Variants in EFCAB8 observed in about 807,000 individuals in gnomAD.
The protein encoded by EFCAB8 is EF-hand calcium-binding domain-containing protein 8.
A neutral mutation model predicts 116.3 loss-of-function variants in EFCAB8; 100 were observed. The observed-to-expected ratio is 0.86, with a 90% CI of 0.73 to 1.02. EFCAB8 has a LOEUF of 1.02. EFCAB8 is among the 50% of genes least tolerant of loss of function. EFCAB8 has a pLI of 0.00. For missense variants in EFCAB8, 1,320 were observed against 1,416.9 expected (o/e 0.93, Z 1.10); for synonymous variants, 558 against 567.9 (o/e 0.98, Z 0.25).
Position 32,959,827 on chromosome 20 carries a change from G to T in EFCAB8, c.3139G>T (p.Ala1047Ser), listed in dbSNP as rs990105936. 4.5e-6 allele frequency: 7 copies of T among 1,540,480 alleles called. No individual in the cohort carries two copies. Among genetic ancestry groups the T allele is most frequent in the Non-Finnish European group, 6.1e-6 (7 of 1,140,312 alleles). ...EALIYQRREQ[A>S]ALMALLHGKA... ...CCTGATATACCAGCGGCGAGAGCAGGCGGCGCTGATGGCTCTCCTGCATGG... is the reference window on the plus strand; with the variant it reads ...CCTGATATACCAGCGGCGAGAGCAGTCGGCGCTGATGGCTCTCCTGCATGG... Residue 1047 changes from alanine to serine, a missense_variant, in exon 25 of 27, where the codon GCG becomes TCG. Coordinates refer to ENST00000400522, the MANE Select transcript of EFCAB8 (RefSeq NM_001143967.2).
chr20:32,946,792 A>G (rs529463246), intron 23 of EFCAB8, among the ~76,000 whole-genome samples: 1 of 152,340 alleles, frequency 6.6e-6, no homozygotes, highest in South Asian at 2.1e-4. Context: ...TCCTCATAGT[A>G]AACTCTATTT....
rs751075328 is a variant in EFCAB8 at position 32,906,974 on chromosome 20, A to G, written c.1288A>G (p.Ile430Val). ...LVDSRNNSIL[I>V]SVSKDKNIRV... Reference sequence around the variant, plus strand: ...GGATAGCAGGAACAACAGCATCCTCATCAGTGTCTCCAAGGACAAGGTCCG... The same window carrying G: ...GGATAGCAGGAACAACAGCATCCTCGTCAGTGTCTCCAAGGACAAGGTCCG... Residue 430 changes from isoleucine (I) to valine (V), a missense_variant, in exon 13 of 27, where the codon ATC becomes GTC. Ile to Val is a conservative substitution (Grantham distance 29). Transcript: ENST00000400522. 1 of 1,528,498 alleles carries G rather than the reference A, an allele frequency of 6.5e-7. No homozygotes were observed. Among genetic ancestry groups the G allele is most frequent in the Non-Finnish European group, 8.8e-7 (1 of 1,134,452 alleles). 94.7% of individuals were successfully genotyped at this position (1,528,498 alleles called of 1,614,324 possible).
At chr20:32,905,004 C>T (rs1231509428) in intron 11 of EFCAB8, among the ~76,000 whole-genome samples, 1 of 152,148 alleles carries the variant, frequency 6.6e-6, no homozygotes. Context: ...GGCATAGGCA[C>T]AGAGCATCTG....
At chr20:32,875,898 G>T (rs912307645) in intron 3 of EFCAB8, 28 bp from the exon 4 acceptor site, 10 of 1,544,280 alleles carry the variant, frequency 6.5e-6, no homozygotes, top group Non-Finnish European at 8.8e-6. Flanking sequence ...TGAGGAAGGG[G>T]ATGATGCTCT....
chr20:32,876,688 C>T (rs76558616), intron 4 of EFCAB8, among the ~76,000 whole-genome samples: 3,895 of 152,206 alleles, frequency 0.026, 73 homozygotes, highest in South Asian at 0.042. Context: ...CTATTTCGGC[C>T]GGGCACAGTG....
At chr20:32,909,069 A>G (rs938154082) in intron 14 of EFCAB8, among the ~76,000 whole-genome samples, 2 of 152,214 alleles carry the variant, frequency 1.3e-5, no homozygotes, top group African/African-American at 4.8e-5. Context: ...TGGGAGCAGA[A>G]GCCCAGAAAA....
At chr20:32,903,658 A>G (rs922096989) in intron 11 of EFCAB8, 2 of 152,280 alleles carry the variant, frequency 1.3e-5, no homozygotes, top group African/African-American at 4.8e-5. Context: ...AATAAATGAA[A>G]TATGTGTACT....
intron 22 of EFCAB8, among the ~76,000 whole-genome samples, chr20:32,936,981 G>A (rs1327345817): frequency 2.6e-5 from 4 of 152,020 alleles, no homozygotes; most frequent in Non-Finnish European, 4.4e-5. Context: ...CTTAAACAAT[G>A]TTTTAGTTTC....
chr20:32,924,373 G>A (rs1209628447), intron 20 of EFCAB8, among the ~76,000 whole-genome samples: 2 of 152,054 alleles, frequency 1.3e-5, no homozygotes, highest in Admixed American at 6.6e-5. Flanking sequence ...TACATGTGTT[G>A]TTTTTATTTT....
At chr20:32,944,223 C>T (rs1433866618) in intron 23 of EFCAB8, among the ~76,000 whole-genome samples, 2 of 151,984 alleles carry the variant, frequency 1.3e-5, no homozygotes, top group African/African-American at 2.4e-5. Flanking sequence ...TACTGTAATC[C>T]CAACACTTTT....
At chr20:32,931,056 TGTAA>T (rs1830864434) in intron 21 of EFCAB8, 118 bp from the exon 22 acceptor site, 2 of 793,058 alleles carry the variant, frequency 2.5e-6, no homozygotes, top group Non-Finnish European at 4.0e-6. Context: ...ATCTCAGAGA[TGTAA>T]GTAAGAACTG....
intron 3 of EFCAB8, among the ~76,000 whole-genome samples, chr20:32,872,456 C>T (rs1984728421): frequency 6.6e-6 from 1 of 152,088 alleles, no homozygotes; most frequent in South Asian, 2.1e-4. Flanking sequence ...CATCCCAGAG[C>T]TCTCAGGCTG....
rs542503012 is a variant in EFCAB8, at chr20:32,908,339, C to G, written c.1373C>G (p.Ala458Gly). 24 of 1,249,942 alleles carry G rather than the reference C, an allele frequency of 1.9e-5. No individual in the cohort carries two copies. In the African/African-American group the frequency reaches 3.6e-4, roughly 19 times the overall value. 77.4% of individuals were successfully genotyped at this position (1,249,942 alleles called of 1,614,324 possible). ...CLQSFCGKFF[A>G]LGNCPITSAY... ...CAGTCCTTCTGTGGGAAGTTTTTTG[C>G]TCTGGGAAACTGCCCCATCACCAGT... The change falls in exon 14 of 27, where the codon GCT (alanine) becomes GGT (glycine). Residue 458 changes from alanine to glycine, a missense_variant. By Grantham distance (60) the Ala-to-Gly change is moderately conservative. Transcript: ENST00000400522.
In EFCAB8 at chr20:32,955,600, C is replaced by T. The variant is rs539417026; in HGVS notation, c.2960-2821C>T. ...CTAAAAAACATGCCCTCTCAGTATT[C>T]GAGAGTCCTGTTTGGATTAGTAAAT... is the stretch of plus-strand genomic sequence containing the variant. On this transcript the variant is annotated intron_variant, in intron 23 of 26. Coordinates refer to ENST00000400522, the MANE Select transcript of EFCAB8 (RefSeq NM_001143967.2). Among the ~76,000 whole-genome samples, 13 of 152,166 alleles carry T rather than the reference C, an allele frequency of 8.5e-5. No homozygotes were observed. In the East Asian group the frequency reaches 1.3e-3, roughly 16 times the overall value.
chr20:32,937,035 GTATTT>G (rs1281786218), intron 22 of EFCAB8, among the ~76,000 whole-genome samples: 73 of 151,962 alleles, frequency 4.8e-4, no homozygotes, highest in African/African-American at 1.7e-3. Context: ...TTACCCCTAA[GTATTT>G]TATTTTATTT....
chr20:32,917,151 C>A (rs1050705449), intron 17 of EFCAB8, 150 bp from the exon 18 acceptor site: 4 of 632,318 alleles, frequency 6.3e-6, no homozygotes, highest in Non-Finnish European at 1.1e-5. Flanking sequence ...TAAATGAGGT[C>A]AATGGGACAT....
At chr20:32,944,147 T>G (rs775237765) in intron 23 of EFCAB8, among the ~76,000 whole-genome samples, 19 of 152,168 alleles carry the variant, frequency 1.2e-4, no homozygotes, top group Non-Finnish European at 2.2e-4. Context: ...TTTGAGAAAG[T>G]AAATACATAC....
chr20:32,913,732 T>C (rs1471054343), intron 17 of EFCAB8, among the ~76,000 whole-genome samples: 1 of 150,928 alleles, frequency 6.6e-6, no homozygotes, highest in Admixed American at 6.6e-5. Flanking sequence ...ACTTCCAAAA[T>C]AGAATGGTGG....
At chr20:32,932,906 G>A (rs111334263) in intron 22 of EFCAB8, among the ~76,000 whole-genome samples, 7 of 152,112 alleles carry the variant, frequency 4.6e-5, no homozygotes, top group African/African-American at 9.7e-5. Context: ...TGGCTAGTTC[G>A]TTTTAGTATG....
Sources: gnomAD v4.1 joint callset for allele counts (sites outside exome capture counted in the v4.1 genomes callset) on GRCh38, gnomAD v4.1.1 for gene constraint, MANE v1.5 for transcripts, NCBI Gene and HGNC (gene_info 2026-07-23, HGNC 2026-07-21) for gene names.